Variants in CNBD1 observed in about 807,000 individuals in gnomAD.
CNBD1 encodes cyclic nucleotide binding domain containing 1, also known as cyclic nucleotide-binding domain-containing protein 1.
Under a neutral mutation model 54.4 loss-of-function variants are expected in CNBD1, and 71 were observed. The ratio of observed to expected loss-of-function variants is 1.30; its 90% CI spans 1.08 to 1.59. CNBD1 has a LOEUF of 1.59. CNBD1 is among the 40% of genes most tolerant of loss of function. The probability of loss-of-function intolerance (pLI) is 0.00; values close to 1 mark genes in which losing one functional copy is unlikely to be tolerated. For synonymous variants in CNBD1, 182 were observed against 170.7 expected (o/e 1.07, Z -0.51); for missense variants, 659 against 518.0 (o/e 1.27, Z -2.64).
intron 3 of CNBD1, among the ~76,000 whole-genome samples, chr8:86,937,676 G>T (rs1362035624): frequency 6.6e-6 from 1 of 152,120 alleles, no homozygotes; most frequent in Non-Finnish European, 1.5e-5. Flanking sequence ...TGGGACACAG[G>T]GCACCAAGTC....
At chr8:87,264,044 C>T (rs568982443) in intron 6 of CNBD1, among the ~76,000 whole-genome samples, 69 of 151,984 alleles carry the variant, frequency 4.5e-4, no homozygotes, top group African/African-American at 1.3e-3. Flanking sequence ...ATGTGCACAA[C>T]GTGCAGGTTT....
At chr8:87,078,831 G>A (rs1268836168) in intron 4 of CNBD1, among the ~76,000 whole-genome samples, 2 of 152,106 alleles carry the variant, frequency 1.3e-5, no homozygotes, top group Non-Finnish European at 2.9e-5. Context: ...AAATAATATG[G>A]TCTATAGGTA....
chr8:87,424,019 C>T (rs1304947830), intron 2 of CNBD1, among the ~76,000 whole-genome samples: 3 of 152,108 alleles, frequency 2.0e-5, no homozygotes, highest in African/African-American at 7.2e-5. Context: ...GTGTATGTGT[C>T]AAGGAATTTA....
chr8:87,014,678 G>A (rs1263013399), intron 4 of CNBD1, among the ~76,000 whole-genome samples: 3 of 151,872 alleles, frequency 2.0e-5, no homozygotes, highest in East Asian at 1.9e-4. Context: ...TTTGATATAA[G>A]TATCTGGGTA....
intron 4 of CNBD1, among the ~76,000 whole-genome samples, chr8:87,071,716 T>C (rs142660967): frequency 1.3e-5 from 2 of 152,260 alleles, no homozygotes; most frequent in Non-Finnish European, 1.5e-5. Flanking sequence ...TGCTGAGGAA[T>C]ATTTTACTCC....
chr8:87,311,042 A>T (rs1352414725), intron 8 of CNBD1, among the ~76,000 whole-genome samples: 1 of 152,140 alleles, frequency 6.6e-6, no homozygotes, highest in Non-Finnish European at 1.5e-5. Context: ...TGGCCTTGGG[A>T]AAGAATTTAT....
chr8:87,361,415 G>T (rs1810521766), intron 10 of CNBD1, among the ~76,000 whole-genome samples: 1 of 151,704 alleles, frequency 6.6e-6, no homozygotes, highest in African/African-American at 2.4e-5. Flanking sequence ...AAAAAGAACA[G>T]AGGAAAATGA....
rs896234086 is a variant in CNBD1, at chr8:87,166,208, C to G, written c.432-39785C>G. Among the ~76,000 whole-genome samples, 10 of 151,988 alleles carry G rather than the reference C, an allele frequency of 6.6e-5. No individual in the cohort carries two copies. In the South Asian group the frequency reaches 1.9e-3, roughly 28 times the overall value. ...TTATCCAGATGAGTAAGTGACAAAC[C>G]TAAGCATCATACTTGATGCTCATAC... On this transcript the variant is annotated intron_variant, in intron 4 of 10. Transcript: ENST00000518476. The surrounding 1 kb of genome is among the most constrained non-coding windows in gnomAD (Gnocchi z 4.3).
At chr8:86,925,748 A>G (rs1809348685) in intron 3 of CNBD1, among the ~76,000 whole-genome samples, 4 of 139,214 alleles carry the variant, frequency 2.9e-5, no homozygotes, top group African/African-American at 1.1e-4. Context: ...AAAAAAAAAA[A>G]GAATTAGCCA....
At chr8:87,042,176 G>C (rs1810086550) in intron 4 of CNBD1, among the ~76,000 whole-genome samples, 1 of 152,234 alleles carries the variant, frequency 6.6e-6, no homozygotes, top group Non-Finnish European at 1.5e-5. Flanking sequence ...CAAAGGCAGA[G>C]TTTTTGGTGT....
chr8:87,160,827 C>T (rs903061088), intron 4 of CNBD1, among the ~76,000 whole-genome samples: 1 of 151,922 alleles, frequency 6.6e-6, no homozygotes, highest in Non-Finnish European at 1.5e-5. Context: ...GTTACAAACT[C>T]CAGGATGTAT....
intron 4 of CNBD1, among the ~76,000 whole-genome samples, chr8:87,032,947 TCATATCTTGAAACCCTTCATCC>T (rs1455548171): frequency 6.6e-6 from 1 of 152,202 alleles, no homozygotes; most frequent in Non-Finnish European, 1.5e-5. Flanking sequence ...TCGTCAAGAT[TCATATCTTGAAACCCTTCATCC>T]CACTCCCTCT....
intron 5 of CNBD1, among the ~76,000 whole-genome samples, chr8:87,213,028 C>T (rs763219968): frequency 4.0e-5 from 6 of 151,870 alleles, no homozygotes; most frequent in South Asian, 4.2e-4. Context: ...AACCCAATTT[C>T]GAAAATGAGT....
At chr8:87,218,067 C>T (rs573547594) in intron 5 of CNBD1, among the ~76,000 whole-genome samples, 21 of 152,150 alleles carry the variant, frequency 1.4e-4, no homozygotes, top group African/African-American at 4.8e-4. Context: ...CACCCGAATA[C>T]CTATGGGTGT....
At chr8:87,005,553 T>C (rs1187032684) in intron 4 of CNBD1, among the ~76,000 whole-genome samples, 1 of 151,932 alleles carries the variant, frequency 6.6e-6, no homozygotes, top group Non-Finnish European at 1.5e-5. Context: ...ATCCATGTTT[T>C]TGCACTTCTG....
At chr8:87,394,882 C>A (rs1256262272) in intron 2 of CNBD1, among the ~76,000 whole-genome samples, 3 of 151,654 alleles carry the variant, frequency 2.0e-5, no homozygotes, top group African/African-American at 7.3e-5. Flanking sequence ...AAAGAAAAGT[C>A]TCTGTTACTA....
chr8:87,337,347 A>T (rs1421311695), intron 8 of CNBD1, among the ~76,000 whole-genome samples: 2 of 152,156 alleles, frequency 1.3e-5, no homozygotes, highest in Non-Finnish European at 2.9e-5. Flanking sequence ...CTACCCCTCC[A>T]ACTAGGTCCT....
intron 10 of CNBD1, among the ~76,000 whole-genome samples, chr8:87,356,624 A>G (rs1285652301): frequency 6.6e-6 from 1 of 152,178 alleles, no homozygotes; most frequent in Non-Finnish European, 1.5e-5. Context: ...ATAAAAGATG[A>G]CTTAACGTTG....
intron 10 of CNBD1, among the ~76,000 whole-genome samples, chr8:87,378,077 C>A (rs1308354955): frequency 2.8e-5 from 4 of 142,572 alleles, no homozygotes; most frequent in African/African-American, 5.3e-5. Flanking sequence ...GAGTAGGTTG[C>A]GAAAATTTTC....
Sources: allele counts gnomAD v4.1 joint callset (sites outside exome capture counted in the v4.1 genomes callset), GRCh38; gene constraint gnomAD v4.1.1; non-coding constraint Gnocchi (gnomAD v3.1); transcripts MANE v1.5; gene names NCBI Gene and HGNC (gene_info 2026-07-23, HGNC 2026-07-21).